Variants in CACNB4 observed in about 807,000 individuals in gnomAD.
CACNB4 encodes voltage-dependent L-type calcium channel subunit beta-4.
A neutral mutation model predicts 71.2 loss-of-function variants in CACNB4; 32 were observed. The observed-to-expected ratio is 0.45, with a 90% confidence interval of 0.34 to 0.60. CACNB4 has a LOEUF of 0.60. CACNB4 is among the 20% of genes least tolerant of loss of function. CACNB4 has a pLI of 0.01. For synonymous variants in CACNB4, 231 were observed against 236.9 expected (o/e 0.97, Z 0.23); for missense variants, 464 against 647.9 (o/e 0.72, Z 3.08).
intron 2 of CACNB4, among the ~76,000 whole-genome samples, chr2:151,977,273 C>T (rs2099873984): frequency 6.6e-6 from 1 of 152,130 alleles, no homozygotes; most frequent in African/African-American, 2.4e-5. Context: ...CAAAAAAAGC[C>T]CTATGAAAAA....
chr2:151,864,539 T>G (rs1367248438), intron 9 of CACNB4, among the ~76,000 whole-genome samples: 1 of 152,228 alleles, frequency 6.6e-6, no homozygotes, highest in African/African-American at 2.4e-5. Flanking sequence ...CCAGACAGTA[T>G]AATAATTTTT....
chr2:152,008,094 C>T (rs1682832881), intron 2 of CACNB4, among the ~76,000 whole-genome samples: 5 of 151,824 alleles, frequency 3.3e-5, no homozygotes, highest in Admixed American at 2.6e-4. Context: ...TTCTGAGGAA[C>T]TCCTGTACTC....
chr2:151,847,060 C>T (rs1454466766), intron 12 of CACNB4, among the ~76,000 whole-genome samples: 1 of 149,302 alleles, frequency 6.7e-6, no homozygotes, highest in Non-Finnish European at 1.5e-5. Flanking sequence ...ACTTTTATTT[C>T]CTTGCTATTG....
At chr2:152,005,519 A>G (rs1470168129) in intron 2 of CACNB4, among the ~76,000 whole-genome samples, 1 of 152,158 alleles carries the variant, frequency 6.6e-6, no homozygotes, top group East Asian at 1.9e-4. Flanking sequence ...GGAGACTTCA[A>G]AAGGAGGGAG....
At chr2:151,983,154 ATACACAGATAAATTGCCAATTT>A (rs1295915449) in intron 2 of CACNB4, among the ~76,000 whole-genome samples, 1 of 152,230 alleles carries the variant, frequency 6.6e-6, no homozygotes, top group African/African-American at 2.4e-5. Context: ...CTAAAAACAC[ATACACAGATAAATTGCCAATTT>A]TACACAGCTT....
intron 3 of CACNB4, among the ~76,000 whole-genome samples, chr2:151,882,466 G>A (rs1490622162): frequency 6.6e-6 from 1 of 151,984 alleles, no homozygotes; most frequent in Non-Finnish European, 1.5e-5. Context: ...TATACCTTAG[G>A]AGTCTGTCAC....
intron 2 of CACNB4, among the ~76,000 whole-genome samples, chr2:151,938,744 A>C (rs1182998983): frequency 2.0e-5 from 3 of 152,228 alleles, no homozygotes; most frequent in African/African-American, 7.2e-5. Flanking sequence ...CAATACACAA[A>C]AATAAGAATA....
chr2:152,083,148 C>T (rs1041653553), intron 2 of CACNB4, among the ~76,000 whole-genome samples: 1 of 152,118 alleles, frequency 6.6e-6, no homozygotes, highest in African/African-American at 2.4e-5. Flanking sequence ...AGACAGTCCC[C>T]CTGGCCATAG....
intron 2 of CACNB4, among the ~76,000 whole-genome samples, chr2:151,924,573 T>C (rs185230231): frequency 2.6e-5 from 4 of 151,838 alleles, no homozygotes; most frequent in African/African-American, 9.7e-5. Context: ...TTACATCATA[T>C]AATATGTATA....
chr2:151,841,378 T>C (rs535513272), intron 13 of CACNB4, among the ~76,000 whole-genome samples: 1 of 152,158 alleles, frequency 6.6e-6, no homozygotes, highest in South Asian at 2.1e-4. Flanking sequence ...TTTGAGATCA[T>C]CCTGGGCAAC....
At chr2:152,027,661 G>A (rs1224255837) in intron 2 of CACNB4, among the ~76,000 whole-genome samples, 1 of 152,098 alleles carries the variant, frequency 6.6e-6, no homozygotes, top group South Asian at 2.1e-4. Flanking sequence ...AGACCAGCCT[G>A]ACCCACACGG....
intron 2 of CACNB4, among the ~76,000 whole-genome samples, chr2:151,957,162 A>G (rs1479759064): frequency 6.6e-6 from 1 of 152,014 alleles, no homozygotes; most frequent in African/African-American, 2.4e-5. Flanking sequence ...CAAAAAAAAG[A>G]AAGAATATAG....
At position 151,971,821 on chromosome 2, in the gene CACNB4, C is replaced by T. The variant is rs575702338; in HGVS notation, c.148-88451G>A. Reference sequence around the variant, plus strand: ...CAATCCCGCCCACCTGAAAGCCTCCCATACTCTCAACTGAGGATTGGCCAG... The same window carrying T: ...CAATCCCGCCCACCTGAAAGCCTCCTATACTCTCAACTGAGGATTGGCCAG... On this transcript the variant is annotated intron_variant, in intron 2 of 13. Transcript: ENST00000539935. 52 of 549,206 alleles carry T rather than the reference C, an allele frequency of 9.5e-5. No individual in the cohort carries two copies. The South Asian group carries it at 1.0e-3, about 11-fold the overall frequency. The allele number at this position is 549,206 out of a possible 1,614,324, so 34.0% of individuals were successfully genotyped here.
At chr2:151,901,653 T>C (rs2099853463) in intron 2 of CACNB4, among the ~76,000 whole-genome samples, 1 of 152,112 alleles carries the variant, frequency 6.6e-6, no homozygotes, top group African/African-American at 2.4e-5. Flanking sequence ...GTTTTGAAAA[T>C]TGCTATTGAA....
chr2:151,975,550 T>G (rs1256943746), intron 2 of CACNB4, among the ~76,000 whole-genome samples: 1 of 152,106 alleles, frequency 6.6e-6, no homozygotes. Context: ...AGGGGATGAG[T>G]GCAGTCAACG....
intron 2 of CACNB4, among the ~76,000 whole-genome samples, chr2:152,060,547 T>A (rs2105330015): frequency 6.6e-6 from 1 of 152,336 alleles, no homozygotes; most frequent in South Asian, 2.1e-4. Context: ...TCTACATTAT[T>A]AGCTATTCCA....
At chr2:152,088,156 CACACACACACACAT>C (rs1175691665) in intron 2 of CACNB4, among the ~76,000 whole-genome samples, 48 of 150,860 alleles carry the variant, frequency 3.2e-4, no homozygotes, top group African/African-American at 1.0e-3. Context: ...CACACACACA[CACACACACACACAT>C]ACACACACAC....
chr2:151,924,118 G>T lies in CACNB4; in HGVS notation c.148-40748C>A, dbSNP rs546014733. ...TTTTGAGACAGAGTCTCGCTCTGTC[G>T]CCCAGGCTGGAGTGCAGTGGCGCAA... On this transcript the variant is annotated intron_variant, in intron 2 of 13. Coordinates refer to ENST00000539935, the MANE Select transcript of CACNB4 (RefSeq NM_000726.5). 5.4e-4 allele frequency among the ~76,000 whole-genome samples: 63 copies of T among 116,128 alleles called. No individual in the cohort carries two copies. In the East Asian group the frequency reaches 0.016, roughly 30 times the overall value. 76.2% of individuals were successfully genotyped at this position (116,128 alleles called of 152,430 possible).
chr2:151,891,566 GC>G (rs2099850724), intron 2 of CACNB4, among the ~76,000 whole-genome samples: 3 of 152,142 alleles, frequency 2.0e-5, no homozygotes, highest in Non-Finnish European at 4.4e-5. Flanking sequence ...ATGCTTTTGG[GC>G]AAAAACTGCT....
Sources: gnomAD v4.1 joint callset for allele counts (sites outside exome capture counted in the v4.1 genomes callset) on GRCh38, gnomAD v4.1.1 for gene constraint, MANE v1.5 for transcripts, NCBI Gene and HGNC (gene_info 2026-07-23, HGNC 2026-07-21) for gene names.